The following PHACTR1 variants were observed in gnomAD, a reference collection of about 807,000 sequenced individuals.
PHACTR1 encodes the protein RPEL repeat containing 1.
Under a neutral mutation model 69.2 loss-of-function variants are expected in PHACTR1, and 16 were observed. The observed-to-expected ratio is 0.23, with a 90% confidence interval of 0.16 to 0.35. The LOEUF is 0.35. Among genes scored for constraint, PHACTR1 ranks in the 10% least tolerant of loss-of-function variants. The probability of loss-of-function intolerance (pLI) is 1.00; values close to 1 mark genes in which losing one functional copy is unlikely to be tolerated. For missense variants in PHACTR1, 510 were observed against 734.7 expected, an observed-to-expected ratio of 0.69 and a Z score of 3.54; for synonymous variants, 312 against 284.5, an observed-to-expected ratio of 1.10 and a Z score of -0.97.
In PHACTR1 at chr6:13,111,274, G is replaced by T. The variant is rs567486151; in HGVS notation, c.416-48930G>T. On this transcript the variant is annotated intron_variant, in intron 5 of 14. Transcript: ENST00000332995. ...TGCCACAGTGATCTCTTTAGTAGTGGATACTCAATTTTTTTTAAATTTCCA... is the reference window on the plus strand; with the variant it reads ...TGCCACAGTGATCTCTTTAGTAGTGTATACTCAATTTTTTTTAAATTTCCA... 5.1e-4 allele frequency among the ~76,000 whole-genome samples: 77 copies of T among 152,246 alleles called. No homozygotes were observed. The Middle Eastern group carries it at 0.014, about 27-fold the overall frequency.
At chr6:13,194,094 C>A (rs1764001826) in intron 7 of PHACTR1, among the ~76,000 whole-genome samples, 1 of 152,140 alleles carries the variant, frequency 6.6e-6, no homozygotes, top group Non-Finnish European at 1.5e-5. Flanking sequence ...GGACATCTAC[C>A]ATTTTGACTC....
intron 4 of PHACTR1, among the ~76,000 whole-genome samples, chr6:13,033,248 G>A (rs958270153): frequency 6.6e-6 from 1 of 151,940 alleles, no homozygotes; most frequent in African/African-American, 2.4e-5. Flanking sequence ...TTGCTTTTTG[G>A]CAGGGCTATG....
In PHACTR1 at chr6:12,924,776, G is replaced by GA. The variant is rs10533765; in HGVS notation, c.251-128571dup. Reference sequence around the variant, plus strand: ...GGCGACAGAGCGAGACTCTGTCCCGGAAAAAAAAAAAAAAAAAATTTAAAC... The same window carrying GA: ...GGCGACAGAGCGAGACTCTGTCCCGGAAAAAAAAAAAAAAAAAAATTTAAAC... On this transcript the variant is annotated intron_variant, in intron 4 of 14. Coordinates refer to ENST00000332995, the MANE Select transcript of PHACTR1 (RefSeq NM_030948.6). Among the ~76,000 whole-genome samples, 699 of 134,238 alleles carry GA rather than the reference G, an allele frequency of 5.2e-3. 3 individuals are homozygous for GA. Among genetic ancestry groups the GA allele is most frequent in the Middle Eastern group, 0.011 (3 of 262 alleles). 88.1% of individuals were successfully genotyped at this position (134,238 alleles called of 152,430 possible). A position where few individuals can be genotyped will look rare whatever the true frequency, so the allele number is the denominator to read the frequency against.
At chr6:13,224,840 C>T (rs561781523) in intron 8 of PHACTR1, among the ~76,000 whole-genome samples, 49 of 152,268 alleles carry the variant, frequency 3.2e-4, no homozygotes, top group Non-Finnish European at 5.1e-4. Flanking sequence ...AAAGCCGCTC[C>T]GACAGCTCTG....
chr6:13,207,413 C>T (rs1766098939), intron 8 of PHACTR1, among the ~76,000 whole-genome samples: 1 of 152,112 alleles, frequency 6.6e-6, no homozygotes, highest in Admixed American at 6.5e-5. Flanking sequence ...TAATATTTGG[C>T]CACTACCAAG....
intron 4 of PHACTR1, among the ~76,000 whole-genome samples, chr6:12,955,898 G>T (rs62386821): frequency 0.14 from 20,778 of 152,184 alleles, 1,577 homozygotes; most frequent in Middle Eastern, 0.21. Flanking sequence ...CATAAGAACA[G>T]TCATTACCCC....
At chr6:13,255,485 C>T (rs1775053497) in intron 10 of PHACTR1, among the ~76,000 whole-genome samples, 1 of 152,186 alleles carries the variant, frequency 6.6e-6, no homozygotes, top group African/African-American at 2.4e-5. Flanking sequence ...TTCACTCATT[C>T]CAACATTAAC....
At chr6:12,866,238 C>T (rs1040750830) in intron 4 of PHACTR1, among the ~76,000 whole-genome samples, 2 of 152,134 alleles carry the variant, frequency 1.3e-5, no homozygotes, top group African/African-American at 2.4e-5. Flanking sequence ...GAAAGCTTTT[C>T]GCTTACTCTC....
intron 4 of PHACTR1, among the ~76,000 whole-genome samples, chr6:12,872,585 C>T (rs78881531): frequency 0.052 from 7,911 of 152,218 alleles, 327 homozygotes; most frequent in Admixed American, 0.098. Context: ...AGAGGATATA[C>T]GATGTGACTA....
chr6:13,123,283 T>C (rs549082219), intron 5 of PHACTR1, among the ~76,000 whole-genome samples: 1 of 152,296 alleles, frequency 6.6e-6, no homozygotes, highest in South Asian at 2.1e-4. Context: ...GGATCAGATT[T>C]AGTAGTGGGA....
chr6:12,845,566 A>G (rs1779179573), intron 4 of PHACTR1, among the ~76,000 whole-genome samples: 2 of 151,932 alleles, frequency 1.3e-5, no homozygotes, highest in South Asian at 4.2e-4. Context: ...AGACAGTCTA[A>G]TGTGCTGAGA....
At chr6:12,790,959 T>C (rs1772197581) in intron 4 of PHACTR1, among the ~76,000 whole-genome samples, 1 of 152,098 alleles carries the variant, frequency 6.6e-6, no homozygotes, top group South Asian at 2.1e-4. Flanking sequence ...CAGTGTGCTG[T>C]TATTAAAAGA....
intron 4 of PHACTR1, among the ~76,000 whole-genome samples, chr6:12,866,081 T>G (rs1363134241): frequency 6.6e-6 from 1 of 152,198 alleles, no homozygotes; most frequent in Non-Finnish European, 1.5e-5. Context: ...TTATGTTTTA[T>G]ATTGTATGGG....
At chr6:13,147,338 C>A (rs548879655) in intron 5 of PHACTR1, among the ~76,000 whole-genome samples, 6 of 152,206 alleles carry the variant, frequency 3.9e-5, no homozygotes, top group Non-Finnish European at 8.8e-5. Context: ...CCTCGGTGCA[C>A]TCCCAAGAAT....
At chr6:12,848,196 AC>A (rs902023569) in intron 4 of PHACTR1, among the ~76,000 whole-genome samples, 2 of 152,184 alleles carry the variant, frequency 1.3e-5, no homozygotes, top group Non-Finnish European at 2.9e-5. Flanking sequence ...TAACTAACCA[AC>A]CCACACAAGA....
chr6:12,725,905 T>C (rs146842789), intron 3 of PHACTR1, among the ~76,000 whole-genome samples: 1 of 152,278 alleles, frequency 6.6e-6, no homozygotes, highest in African/African-American at 2.4e-5. Context: ...TTTTTAACAT[T>C]TTTATGGGTA....
At chr6:13,056,583 GGC>G (rs763002493) in intron 5 of PHACTR1, among the ~76,000 whole-genome samples, 2 of 152,198 alleles carry the variant, frequency 1.3e-5, no homozygotes, top group Non-Finnish European at 1.5e-5. Flanking sequence ...TTGAAGATAA[GGC>G]AGTCTTTATT....
chr6:12,731,391 T>C (rs941338990), intron 3 of PHACTR1, among the ~76,000 whole-genome samples: 2 of 152,238 alleles, frequency 1.3e-5, no homozygotes, highest in African/African-American at 4.8e-5. Context: ...TGACTAAATT[T>C]GACAGGTGAC....
intron 4 of PHACTR1, among the ~76,000 whole-genome samples, chr6:12,846,726 C>CT (rs36120296): frequency 0.021 from 3,032 of 143,528 alleles, 51 homozygotes; most frequent in African/African-American, 0.04. Flanking sequence ...TTCTTTCGTC[C>CT]TTTTTTTTTT....
Sources: allele counts gnomAD v4.1 joint callset (sites outside exome capture counted in the v4.1 genomes callset), GRCh38; gene constraint gnomAD v4.1.1; transcripts MANE v1.5; gene names NCBI Gene and HGNC (gene_info 2026-07-23, HGNC 2026-07-21).